The following INPP4B variants were observed in gnomAD, a reference collection of about 807,000 sequenced individuals.
The protein encoded by INPP4B is inositol polyphosphate 4-phosphatase type II.
INPP4B carries 55 observed loss-of-function variants against 122.5 expected under a neutral mutation model. That is an observed-to-expected ratio of 0.45 (90% CI 0.36 to 0.56). The LOEUF (loss-of-function observed/expected upper bound fraction) is 0.56. INPP4B is among the 20% of genes least tolerant of loss of function. INPP4B has a pLI of 0.00. For missense variants in INPP4B, 1,000 were observed against 1,097.7 expected (o/e 0.91, Z 1.26); for synonymous variants, 403 against 388.7 (o/e 1.04, Z -0.43).
At chr4:142,428,061 C>T (rs973470760) in intron 5 of INPP4B, among the ~76,000 whole-genome samples, 6 of 151,368 alleles carry the variant, frequency 4.0e-5, no homozygotes, top group Non-Finnish European at 4.4e-5. Flanking sequence ...ATTTATAGCA[C>T]AATTTTTAGC....
intron 2 of INPP4B, among the ~76,000 whole-genome samples, chr4:142,643,656 C>T (rs1414263285): frequency 2.0e-5 from 3 of 152,152 alleles, no homozygotes; most frequent in East Asian, 1.9e-4. Context: ...CATCTCACTT[C>T]ATTGTTTGGA....
At chr4:142,048,174 G>A (rs1184844008) in intron 25 of INPP4B, among the ~76,000 whole-genome samples, 1 of 152,054 alleles carries the variant, frequency 6.6e-6, no homozygotes, top group Non-Finnish European at 1.5e-5. Flanking sequence ...ACATGAAGTA[G>A]AGATATAGAA....
intron 1 of INPP4B, among the ~76,000 whole-genome samples, chr4:142,838,034 T>TG (rs60643645): frequency 1.7e-5 from 2 of 117,134 alleles, no homozygotes; most frequent in African/African-American, 1.2e-4. Context: ...GAAAGTGGTG[T>TG]TTTTTTTTTT....
chr4:142,429,376 A>C (rs1348133045), intron 4 of INPP4B, among the ~76,000 whole-genome samples, 159 bp from the exon 5 acceptor site: 1 of 152,072 alleles, frequency 6.6e-6, no homozygotes, highest in Non-Finnish European at 1.5e-5. Flanking sequence ...ATCAGTTCTC[A>C]GGGCAGGGCA....
intron 3 of INPP4B, among the ~76,000 whole-genome samples, chr4:142,432,063 A>G (rs1277056684): frequency 6.6e-6 from 1 of 152,112 alleles, no homozygotes; most frequent in Non-Finnish European, 1.5e-5. Context: ...AGCATGGGGA[A>G]AGAAAGACTC....
intron 3 of INPP4B, among the ~76,000 whole-genome samples, chr4:142,440,617 A>G (rs1019576275): frequency 6.6e-6 from 1 of 152,188 alleles, no homozygotes; most frequent in African/African-American, 2.4e-5. Context: ...GGGAAATACA[A>G]GCCCTATTAA....
At chr4:142,659,950 G>C (rs534498660) in intron 2 of INPP4B, among the ~76,000 whole-genome samples, 2 of 151,738 alleles carry the variant, frequency 1.3e-5, no homozygotes, top group East Asian at 3.9e-4. Flanking sequence ...CCCTAGGAAG[G>C]AAAACTGGAT....
At chr4:142,118,374 T>C (rs1446097190) in intron 21 of INPP4B, among the ~76,000 whole-genome samples, 2 of 149,274 alleles carry the variant, frequency 1.3e-5, no homozygotes, top group Non-Finnish European at 2.9e-5. Context: ...GGAGGCATCA[T>C]GCTATCTGAC....
chr4:142,706,611 C>G (rs1347162681), intron 2 of INPP4B, among the ~76,000 whole-genome samples: 1 of 152,208 alleles, frequency 6.6e-6, no homozygotes, highest in East Asian at 1.9e-4. Flanking sequence ...TGCAATCATC[C>G]TAGGCTAAGG....
At chr4:142,757,777 G>A (rs1345943620) in intron 1 of INPP4B, among the ~76,000 whole-genome samples, 1 of 152,148 alleles carries the variant, frequency 6.6e-6, no homozygotes, top group Non-Finnish European at 1.5e-5. Flanking sequence ...GCATACCAAG[G>A]AGCATGATTG....
intron 11 of INPP4B, among the ~76,000 whole-genome samples, chr4:142,254,085 G>T (rs529783468): frequency 1.3e-5 from 2 of 152,108 alleles, no homozygotes; most frequent in Non-Finnish European, 2.9e-5. Flanking sequence ...GCACCCCCCA[G>T]CAGGGGCAGA....
At chr4:142,262,266 C>A (rs1296158453) in intron 10 of INPP4B, among the ~76,000 whole-genome samples, 1 of 152,132 alleles carries the variant, frequency 6.6e-6, no homozygotes, top group Admixed American at 6.5e-5. Flanking sequence ...TTTCTCCCTG[C>A]CCCATGAATC....
rs183206608 is a variant in INPP4B, at chr4:142,647,368, C to A, written c.-191+78471G>T. On this transcript the variant is annotated intron_variant, in intron 2 of 25. Coordinates refer to ENST00000262992, the MANE Select transcript of INPP4B (RefSeq NM_001101669.3). ...AATTCAGTTAATGCAAGGATTGAAA[C>A]CTGCGCATATAATGCCTGACACCAA... Among the ~76,000 whole-genome samples the A allele has an allele frequency of 1.0e-3, 152 of 152,182 alleles. 2 individuals carry two copies. In the East Asian group the frequency reaches 0.023, roughly 23 times the overall value.
intron 7 of INPP4B, among the ~76,000 whole-genome samples, chr4:142,320,409 A>G (rs1371054640): frequency 2.0e-5 from 3 of 152,348 alleles, no homozygotes; most frequent in Non-Finnish European, 2.9e-5. Context: ...AATTCCACCT[A>G]CCACAATAAT....
At chr4:142,817,786 A>G (rs541533954) in intron 1 of INPP4B, among the ~76,000 whole-genome samples, 1 of 152,298 alleles carries the variant, frequency 6.6e-6, no homozygotes, top group East Asian at 1.9e-4. Context: ...GCAACTTTAT[A>G]CTTCGGGTTT....
chr4:142,753,877 A>G (rs1561032188), intron 1 of INPP4B, among the ~76,000 whole-genome samples: 1 of 151,964 alleles, frequency 6.6e-6, no homozygotes, highest in Non-Finnish European at 1.5e-5. Flanking sequence ...TATTTTTAAA[A>G]CTCTGAAGAT....
intron 1 of INPP4B, among the ~76,000 whole-genome samples, chr4:142,803,846 C>T (rs367877428): frequency 6.6e-6 from 1 of 151,916 alleles, no homozygotes; most frequent in Non-Finnish European, 1.5e-5. Context: ...CACATGAGGT[C>T]AGGACTTCGA....
At chr4:142,661,507 T>A (rs1452082738) in intron 2 of INPP4B, among the ~76,000 whole-genome samples, 2 of 152,192 alleles carry the variant, frequency 1.3e-5, no homozygotes, top group African/African-American at 4.8e-5. Context: ...AAAAATAGGT[T>A]ACAATCACAG....
At chr4:142,491,320 C>T in intron 2 of INPP4B, among the ~76,000 whole-genome samples, 1 of 152,088 alleles carries the variant, frequency 6.6e-6, no homozygotes, top group East Asian at 1.9e-4. Context: ...AGGGAAAATG[C>T]TTATTGACAT....
Sources: allele counts gnomAD v4.1 joint callset (sites outside exome capture counted in the v4.1 genomes callset), GRCh38; gene constraint gnomAD v4.1.1; transcripts MANE v1.5; gene names NCBI Gene and HGNC (gene_info 2026-07-23, HGNC 2026-07-21).